KANSL1L: variants seen among roughly 807,000 people sequenced by gnomAD.
KANSL1L encodes the protein KAT8 regulatory NSL complex subunit 1 like.
Under a neutral mutation model 108.6 loss-of-function variants are expected in KANSL1L, and 25 were observed. That is an observed-to-expected ratio of 0.23 (90% confidence interval 0.17 to 0.32). The LOEUF (loss-of-function observed/expected upper bound fraction) is 0.32. Among genes scored for constraint, KANSL1L ranks in the 10% least tolerant of loss-of-function variants. KANSL1L has a pLI of 1.00. For synonymous variants in KANSL1L, 405 were observed against 395.1 expected (o/e 1.03, Z -0.30); for missense variants, 1,137 against 1,125.7 (o/e 1.01, Z -0.14).
intron 5 of KANSL1L, among the ~76,000 whole-genome samples, chr2:210,076,651 G>A (rs1178075383): frequency 2.6e-5 from 4 of 151,354 alleles, no homozygotes; most frequent in Non-Finnish European, 5.9e-5. Flanking sequence ...CATGAAAAGA[G>A]CATAATTTTA....
chr2:210,112,109 A>G (rs1007455150), intron 3 of KANSL1L, among the ~76,000 whole-genome samples: 2 of 152,182 alleles, frequency 1.3e-5, no homozygotes, highest in African/African-American at 4.8e-5. Flanking sequence ...TATATGTGTC[A>G]CATTTTCTTA....
At chr2:210,131,057 C>G (rs898661049) in intron 2 of KANSL1L, among the ~76,000 whole-genome samples, 1 of 151,998 alleles carries the variant, frequency 6.6e-6, no homozygotes, top group Admixed American at 6.6e-5. Context: ...TGAGCAAATG[C>G]GCTGTAAGCA....
At chr2:210,042,376 C>G (rs1225777975) in intron 7 of KANSL1L, among the ~76,000 whole-genome samples, 1 of 152,080 alleles carries the variant, frequency 6.6e-6, no homozygotes, top group Non-Finnish European at 1.5e-5. Flanking sequence ...GATAAACAAT[C>G]TAATCTCATT....
chr2:210,045,535 A>G (rs1022245962), intron 6 of KANSL1L, among the ~76,000 whole-genome samples: 10 of 152,174 alleles, frequency 6.6e-5, no homozygotes, highest in African/African-American at 2.4e-4. Flanking sequence ...AATACCACCC[A>G]TATATTTATC....
intron 1 of KANSL1L, among the ~76,000 whole-genome samples, chr2:210,159,929 G>A (rs1043787068): frequency 7.2e-5 from 11 of 152,232 alleles, no homozygotes; most frequent in African/African-American, 2.4e-4. Context: ...CCAGCTATTC[G>A]GGAGGCTGAG....
intron 4 of KANSL1L, among the ~76,000 whole-genome samples, chr2:210,099,446 T>C (rs1033120916): frequency 1.3e-5 from 2 of 152,174 alleles, no homozygotes; most frequent in Admixed American, 6.5e-5. Context: ...TCAAAAAATC[T>C]TTCATGAGAA....
At chr2:210,080,827 C>G (rs1051334600) in intron 5 of KANSL1L, among the ~76,000 whole-genome samples, 3 of 151,914 alleles carry the variant, frequency 2.0e-5, no homozygotes, top group African/African-American at 7.3e-5. Flanking sequence ...CTGCTTGTGG[C>G]TGGGCATGGT....
chr2:210,090,550 G>GT (rs1217554166), intron 5 of KANSL1L, among the ~76,000 whole-genome samples: 2 of 152,072 alleles, frequency 1.3e-5, no homozygotes, highest in Admixed American at 1.3e-4. Flanking sequence ...TTTTTGGGGG[G>GT]TTTTTGAGAC....
At chr2:210,073,604 T>G (rs1001046851) in intron 6 of KANSL1L, among the ~76,000 whole-genome samples, 3 of 152,096 alleles carry the variant, frequency 2.0e-5, no homozygotes, top group African/African-American at 4.8e-5. Context: ...AATAGCTACA[T>G]GTGTCTAGGA....
At chr2:210,142,111 T>C (rs1204306398) in intron 2 of KANSL1L, among the ~76,000 whole-genome samples, 3 of 151,914 alleles carry the variant, frequency 2.0e-5, no homozygotes, top group Non-Finnish European at 4.4e-5. Flanking sequence ...TTTTAAGAGT[T>C]TGAGTACAGT....
At chr2:210,038,451 G>A (rs573303123) in intron 8 of KANSL1L, among the ~76,000 whole-genome samples, 3 of 152,044 alleles carry the variant, frequency 2.0e-5, no homozygotes, top group Non-Finnish European at 4.4e-5. Flanking sequence ...CTATAGTTGT[G>A]CCAAAATTGA....
chr2:210,162,421 G>C (rs2095367042), intron 1 of KANSL1L, among the ~76,000 whole-genome samples: 1 of 151,400 alleles, frequency 6.6e-6, no homozygotes, highest in South Asian at 2.1e-4. Context: ...AGCAGACTTG[G>C]GGAGGAAGAA....
intron 6 of KANSL1L, among the ~76,000 whole-genome samples, chr2:210,045,768 T>C (rs751988765): frequency 6.6e-6 from 1 of 152,224 alleles, no homozygotes; most frequent in African/African-American, 2.4e-5. Flanking sequence ...ACTTTCATTC[T>C]TCTGGTTCTC....
At chr2:210,168,068 G>C (rs1688092516) in intron 1 of KANSL1L, among the ~76,000 whole-genome samples, 1 of 151,926 alleles carries the variant, frequency 6.6e-6, no homozygotes, top group Non-Finnish European at 1.5e-5. Context: ...TATGATTCAG[G>C]GTCATCATGA....
At chr2:210,101,574 T>C (rs943392110) in intron 4 of KANSL1L, among the ~76,000 whole-genome samples, 4 of 152,100 alleles carry the variant, frequency 2.6e-5, no homozygotes, top group African/African-American at 7.2e-5. Context: ...CGAACAAGGG[T>C]TGATCCTATA....
chr2:210,041,906 A>G (rs1360435005), intron 7 of KANSL1L, among the ~76,000 whole-genome samples: 1 of 152,260 alleles, frequency 6.6e-6, no homozygotes, highest in African/African-American at 2.4e-5. Flanking sequence ...TTGAATCTTG[A>G]TATTATGATC....
At chr2:210,150,111 AGCC>A (rs2095291831) in intron 2 of KANSL1L, among the ~76,000 whole-genome samples, 2 of 152,322 alleles carry the variant, frequency 1.3e-5, no homozygotes, top group Admixed American at 1.3e-4. Context: ...AGAGGCCAGA[AGCC>A]TACCTTAATG....
rs527690213 is a variant in KANSL1L at position 210,110,839 on chromosome 2, T to C, written c.1231-6538A>G. Among the ~76,000 whole-genome samples, 3 of 152,258 alleles carry C rather than the reference T, an allele frequency of 2.0e-5. No individual in the cohort carries two copies. In the South Asian group the frequency reaches 6.2e-4, roughly 32 times the overall value. On this transcript the variant is annotated intron_variant, in intron 3 of 14. Transcript: ENST00000281772. ...TGGGCTGGGTGCAGTGGCTTATACC[T>C]GTAATCTCAGCACTTTAAGAGGCTG...
At chr2:210,167,413 A>C (rs1259409081) in intron 1 of KANSL1L, among the ~76,000 whole-genome samples, 2 of 152,056 alleles carry the variant, frequency 1.3e-5, no homozygotes, top group African/African-American at 4.8e-5. Flanking sequence ...GTGGCTACAT[A>C]ACACATCAAA....
Sources: allele counts gnomAD v4.1 joint callset (sites outside exome capture counted in the v4.1 genomes callset), GRCh38; gene constraint gnomAD v4.1.1; transcripts MANE v1.5; gene names NCBI Gene and HGNC (gene_info 2026-07-23, HGNC 2026-07-21).